The following NEGR1 variants were observed in gnomAD, a reference collection of about 807,000 sequenced individuals.
The protein encoded by NEGR1 is neuronal growth regulator 1, also known as IgLON family member 4.
Under a neutral mutation model 40.9 loss-of-function variants are expected in NEGR1, and 10 were observed. That is an observed-to-expected ratio of 0.24 (90% CI 0.15 to 0.42). The LOEUF is 0.42. NEGR1 is among the 10% of genes least tolerant of loss of function. The pLI is 1.00. For synonymous variants in NEGR1, 185 were observed against 166.8 expected, an observed-to-expected ratio of 1.11 and a Z score of -0.84; for missense variants, 352 against 438.9, an observed-to-expected ratio of 0.80 and a Z score of 1.77.
intron 6 of NEGR1, among the ~76,000 whole-genome samples, chr1:71,409,885 T>C (rs1357126942): frequency 6.6e-6 from 1 of 151,954 alleles, no homozygotes; most frequent in Non-Finnish European, 1.5e-5. Flanking sequence ...TGTACTATAG[T>C]AGTATAGTAC....
chr1:71,862,928 T>C (rs765399753), intron 2 of NEGR1, among the ~76,000 whole-genome samples: 3 of 152,020 alleles, frequency 2.0e-5, no homozygotes. Context: ...GAATGCTGAT[T>C]ATTAAAAAGT....
intron 2 of NEGR1, among the ~76,000 whole-genome samples, chr1:71,783,412 T>C (rs1466309949): frequency 6.6e-6 from 1 of 152,188 alleles, no homozygotes; most frequent in Non-Finnish European, 1.5e-5. Context: ...GCTTGTGGGT[T>C]CTTGATGGTT....
chr1:72,175,611 T>C (rs1257568501), intron 1 of NEGR1, among the ~76,000 whole-genome samples: 2 of 151,976 alleles, frequency 1.3e-5, no homozygotes, highest in Non-Finnish European at 2.9e-5. Context: ...AGGGCTGAGG[T>C]AAAAGTGATG....
chr1:71,695,101 T>C (rs1490994573), intron 4 of NEGR1, among the ~76,000 whole-genome samples: 1 of 151,780 alleles, frequency 6.6e-6, no homozygotes, highest in African/African-American at 2.4e-5. Context: ...AATTTTTGAC[T>C]TTAAAGGGCC....
intron 6 of NEGR1, among the ~76,000 whole-genome samples, chr1:71,572,960 T>C (rs1454994757): frequency 6.6e-6 from 1 of 152,204 alleles, no homozygotes; most frequent in Non-Finnish European, 1.5e-5. Context: ...AAAGTACTCC[T>C]GGATAAGCGT....
intron 1 of NEGR1, among the ~76,000 whole-genome samples, chr1:72,072,458 T>C (rs866588045): frequency 5.3e-5 from 8 of 152,290 alleles, no homozygotes; most frequent in Non-Finnish European, 1.0e-4. Context: ...CAATATGCAA[T>C]TTACAAATAA....
At chr1:71,624,877 C>G (rs1398360236) in intron 4 of NEGR1, among the ~76,000 whole-genome samples, 2 of 151,920 alleles carry the variant, frequency 1.3e-5, no homozygotes, top group Non-Finnish European at 2.9e-5. Context: ...TATATATTTA[C>G]TTCTTTATTG....
chr1:71,624,907 C>T (rs954383034), intron 4 of NEGR1, among the ~76,000 whole-genome samples: 2 of 151,968 alleles, frequency 1.3e-5, no homozygotes, highest in Non-Finnish European at 2.9e-5. Context: ...TCCCCTCTCG[C>T]ATTGGAATGT....
intron 1 of NEGR1, among the ~76,000 whole-genome samples, chr1:72,165,865 GTATC>G (rs1037118830): frequency 6.6e-6 from 1 of 151,990 alleles, no homozygotes; most frequent in Non-Finnish European, 1.5e-5. Flanking sequence ...TAATTTCTAA[GTATC>G]TATCTTCTCC....
At chr1:72,274,650 A>G in intron 1 of NEGR1, 1 of 860,778 alleles carries the variant, frequency 1.2e-6, no homozygotes, top group Admixed American at 1.7e-5. Flanking sequence ...TTGCAAGGCT[A>G]AGTGCTATTT....
chr1:72,125,257 G>A (rs1649966435), intron 1 of NEGR1, among the ~76,000 whole-genome samples: 1 of 151,956 alleles, frequency 6.6e-6, no homozygotes, highest in South Asian at 2.1e-4. Flanking sequence ...GAGAAAAATT[G>A]AACGTATCAA....
At chr1:72,233,199 A>G (rs1654433395) in intron 1 of NEGR1, among the ~76,000 whole-genome samples, 1 of 152,206 alleles carries the variant, frequency 6.6e-6, no homozygotes, top group African/African-American at 2.4e-5. Flanking sequence ...TCCTGTTAAG[A>G]ACAATACATA....
intron 4 of NEGR1, among the ~76,000 whole-genome samples, chr1:71,644,893 T>C (rs1368274914): frequency 6.6e-6 from 1 of 151,922 alleles, no homozygotes; most frequent in Non-Finnish European, 1.5e-5. Flanking sequence ...TTCACATGTT[T>C]ATTATAAATG....
intron 2 of NEGR1, among the ~76,000 whole-genome samples, chr1:71,900,218 G>A (rs626185): frequency 6.6e-6 from 1 of 152,024 alleles, no homozygotes; most frequent in African/African-American, 2.4e-5. Context: ...CTATAGTGGA[G>A]TTAGGCCAAT....
intron 1 of NEGR1, among the ~76,000 whole-genome samples, chr1:72,028,334 T>A (rs61767487): frequency 0.1 from 15,744 of 152,262 alleles, 908 homozygotes; most frequent in Middle Eastern, 0.18. Flanking sequence ...TTCAAAAGTA[T>A]GAATTATACT....
chr1:71,676,710 T>G (rs1237280000), intron 4 of NEGR1, among the ~76,000 whole-genome samples: 1 of 152,210 alleles, frequency 6.6e-6, no homozygotes, highest in African/African-American at 2.4e-5. Flanking sequence ...TTGTCAGATA[T>G]AGCTGTCTGA....
At chr1:71,715,557 GA>G (rs1169251316) in intron 3 of NEGR1, among the ~76,000 whole-genome samples, 3 of 152,052 alleles carry the variant, frequency 2.0e-5, no homozygotes, top group South Asian at 2.1e-4. Context: ...ATGCTTTTAA[GA>G]GCACCCAAGT....
chr1:72,201,091 G>T (rs1321682095), intron 1 of NEGR1, among the ~76,000 whole-genome samples: 1 of 151,562 alleles, frequency 6.6e-6, no homozygotes, highest in Non-Finnish European at 1.5e-5. Context: ...TTACTCCAAA[G>T]GATTGGAAAA....
chr1:71,464,476 T>C (rs1331516177), intron 6 of NEGR1, among the ~76,000 whole-genome samples: 1 of 152,106 alleles, frequency 6.6e-6, no homozygotes, highest in South Asian at 2.1e-4. Flanking sequence ...TATAGCTTTA[T>C]CCACATGAAT....
Sources: allele counts gnomAD v4.1 joint callset (sites outside exome capture counted in the v4.1 genomes callset), GRCh38; gene constraint gnomAD v4.1.1; transcripts MANE v1.5; gene names NCBI Gene and HGNC (gene_info 2026-07-23, HGNC 2026-07-21).